Variants in AKR7A3 observed in about 807,000 individuals in gnomAD.
The protein encoded by AKR7A3 is AFB1 aldehyde reductase 2.
AKR7A3 carries 37 observed loss-of-function variants against 32.5 expected under a neutral mutation model. That is an observed-to-expected ratio of 1.14 (90% confidence interval 0.88 to 1.50). AKR7A3 has a LOEUF of 1.50. Ranked by LOEUF, AKR7A3 falls within the 40% of genes most tolerant of loss-of-function variation. The pLI is 0.00. For synonymous variants in AKR7A3, 177 were observed against 188.4 expected (o/e 0.94, Z 0.50); for missense variants, 412 against 453.2 (o/e 0.91, Z 0.83).
intron 3 of AKR7A3, 52 bp from the exon 4 acceptor site, chr1:19,285,166 C>A (rs989911111): frequency 6.4e-7 from 1 of 1,554,186 alleles, no homozygotes; most frequent in Non-Finnish European, 8.9e-7. Flanking sequence ...AAAGAAGAGA[C>A]TTCAAAATTA....
intron 1 of AKR7A3, among the ~76,000 whole-genome samples, 200 bp from the exon 2 acceptor site, chr1:19,286,572 T>C (rs1302451793): frequency 2.6e-5 from 4 of 151,710 alleles, no homozygotes; most frequent in Non-Finnish European, 4.4e-5. Context: ...CCCCAGCTAG[T>C]CCGGAGTCTG....
chr1:19,279,358 T>C (rs2093715650), downstream of AKR7A3, among the ~76,000 whole-genome samples: 1 of 151,962 alleles, frequency 6.6e-6, no homozygotes, highest in Non-Finnish European at 1.5e-5. Context: ...TTTTACTTAT[T>C]GGCTATTATG....
chr1:19,285,634 G>A (rs1335461945), intron 3 of AKR7A3, among the ~76,000 whole-genome samples: 1 of 151,640 alleles, frequency 6.6e-6, no homozygotes, highest in Non-Finnish European at 1.5e-5. Context: ...GGAAGGGCTT[G>A]TTCCAGGCTG....
In AKR7A3 at chr1:19,285,122, G is replaced by T. The variant is rs1210897992; in HGVS notation, c.508-8C>A. On this transcript the variant is annotated splice_polypyrimidine_tract_variant and splice_region_variant and intron_variant, in intron 3 of 6. Coordinates refer to ENST00000361640, the MANE Select transcript of AKR7A3 (RefSeq NM_012067.3). ...GATGGCATTGTACATGCCCTGTAAG[G>T]AGAGGGGCCCCGGGGGAGAGGGTGG... 6.2e-7 allele frequency: 1 copy of T among 1,613,490 alleles called. No homozygotes were observed. The highest frequency in any genetic ancestry group is 8.5e-7 in the Non-Finnish European group (1 of 1,179,848).
chr1:19,274,899 C>CAAAAAAAAAAAAAAAAAAAAAAAAA, the AKR7A3 span, among the ~76,000 whole-genome samples: 73 of 44,250 alleles, frequency 1.6e-3, 10 homozygotes, highest in Middle Eastern at 0.019. Context: ...TCTCTAAATA[C>CAAAAAAAAAAAAAAAAAAAAAAAAA]AAAAAAAAAA....
chr1:19,284,355 T>C (rs1037504533), intron 5 of AKR7A3, among the ~76,000 whole-genome samples: 3 of 151,932 alleles, frequency 2.0e-5, no homozygotes, highest in African/African-American at 7.3e-5. Flanking sequence ...CCTGCTCTTA[T>C]TTTCCTTAGG....
Position 19,288,569 on chromosome 1 carries a change from G to C in AKR7A3, c.141C>G (p.Phe47Leu), listed in dbSNP as rs1225633352. 6.2e-7 allele frequency: 1 copy of C among 1,609,482 alleles called. No individual in the cohort carries two copies. Among genetic ancestry groups the C allele is most frequent in the Non-Finnish European group, 8.5e-7 (1 of 1,178,848 alleles). ...TCTCGGACTGGCCCTCGCTGTACAC[G>C]AAGGCCGTGTCTATCTCGGTGTGGC... ...ERGHTEIDTA[F>L]VYSEGQSETI... The change falls in exon 1 of 7, where the codon TTC becomes TTG. Residue 47 changes from phenylalanine to leucine, a missense_variant. By Grantham distance (22) the Phe-to-Leu change is conservative. Coordinates refer to ENST00000361640, the MANE Select transcript of AKR7A3 (RefSeq NM_012067.3).
In AKR7A3 at chr1:19,286,214, G is replaced by A. The variant is rs1340739149; in HGVS notation, c.373C>T (p.Leu125=). The change falls in exon 2 of 7, where the codon CTG becomes TTG. Residue 125 remains leucine (L), a synonymous_variant. Transcript: ENST00000361640. ...TGGTGCAGCTGGTGGCAGGCACGCA[G>A]TGTCTCTTCCACCGGGGTGCTGTGG... The part of the protein sequence containing the change: ...PDHSTPVEET[L]RACHQLHQEG... The A allele has an allele frequency of 9.9e-6, 16 of 1,613,000 alleles. No homozygotes were observed. The highest frequency in any genetic ancestry group is 1.2e-5 in the Non-Finnish European group (14 of 1,180,038).
chr1:19,274,794 A>G, the AKR7A3 span, among the ~76,000 whole-genome samples: 1 of 150,288 alleles, frequency 6.7e-6, no homozygotes, highest in East Asian at 1.9e-4. Flanking sequence ...GAAAAAAAAA[A>G]AGAAGAAGAA....
Position 19,284,678 on chromosome 1 carries a change from C to G in AKR7A3, c.704+8G>C, listed in dbSNP as rs755316092. 3.1e-6 allele frequency: 5 copies of G among 1,613,784 alleles called. No homozygotes were observed. The highest frequency in any genetic ancestry group is 2.2e-5 in the East Asian group (1 of 44,886). ...CCCAGCCATCCACACCAAGCACCCA[C>G]AGCTTACCGATTCCTGTACATCTCT... is the stretch of plus-strand genomic sequence containing the variant. On this transcript the variant is annotated splice_region_variant and intron_variant, in intron 5 of 6. Transcript: ENST00000361640.
rs772251344 is a variant in AKR7A3, at chr1:19,285,076, C to T, written c.546G>A (p.Glu182=). Residue 182 remains glutamate (E), a synonymous_variant, in exon 4 of 7, where the codon GAG becomes GAA. Transcript: ENST00000361640. Reference sequence around the variant, plus strand: ...CAAAGTGCCTGAGGCAGGGGAAGAGCTCCGTTTCCACCTGCCGGGTGATGG... The same window carrying T: ...CAAAGTGCCTGAGGCAGGGGAAGAGTTCCGTTTCCACCTGCCGGGTGATGG... ...YNAITRQVET[E]LFPCLRHFGL... 5 of 1,613,564 alleles carry T rather than the reference C, an allele frequency of 3.1e-6. No homozygotes were observed. The highest frequency in any genetic ancestry group is 4.2e-6 in the Non-Finnish European group (5 of 1,179,866).
chr1:19,287,934 C>T (rs970057494), intron 1 of AKR7A3, among the ~76,000 whole-genome samples: 4 of 152,188 alleles, frequency 2.6e-5, no homozygotes, highest in African/African-American at 9.6e-5. Flanking sequence ...GCCAAGGCTT[C>T]CGGGCACTGC....
downstream of AKR7A3, among the ~76,000 whole-genome samples, chr1:19,280,719 C>T (rs553495459): frequency 1.6e-4 from 24 of 151,264 alleles, no homozygotes; most frequent in African/African-American, 4.6e-4. Context: ...TACAGGCACC[C>T]GCCACCACGC....
the AKR7A3 span, among the ~76,000 whole-genome samples, chr1:19,275,015 C>G: frequency 3.4e-5 from 5 of 149,146 alleles, no homozygotes; most frequent in Non-Finnish European, 7.4e-5. Flanking sequence ...AAAATGCTTA[C>G]AAGTAAAAGG....
At position 19,284,690 on chromosome 1, in the gene AKR7A3, T is replaced by A. The variant is rs1423879679; in HGVS notation, c.700A>T (p.Asn234Tyr). The A allele has an allele frequency of 6.2e-7, 1 of 1,613,798 alleles. No individual in the cohort carries two copies. The highest frequency in any genetic ancestry group is 2.2e-5 in the East Asian group (1 of 44,882). ...CACCAAGCACCCACAGCTTACCGAT[T>A]CCTGTACATCTCTGCCCAGGTATTC... Reference protein sequence around the residue: ...FGNTWAEMYRNRYWKEHHFEG... With the variant: ...FGNTWAEMYRYRYWKEHHFEG... The change falls in exon 5 of 7, where the codon AAT (asparagine) becomes TAT (tyrosine). Residue 234 changes from asparagine to tyrosine, a missense_variant. Physicochemically the swap from Asn to Tyr is moderately radical, Grantham distance 143. Transcript: ENST00000361640.
In AKR7A3 at chr1:19,282,701, G is replaced by A. The variant is rs1061671; in HGVS notation, c.*30C>T. 11 of 1,613,688 alleles carry A rather than the reference G, an allele frequency of 6.8e-6. 1 individual carries two copies. In the African/African-American group the frequency reaches 1.5e-4, roughly 22 times the overall value. The stretch of plus-strand genomic sequence containing the variant: ...GTGAGTAACAAAAGATGTTACAGAA[G>A]AGCCTTGGGCAGCCTGAGAAACGAT... On this transcript the variant is annotated 3_prime_UTR_variant, in exon 7 of 7. Coordinates refer to ENST00000361640, the MANE Select transcript of AKR7A3 (RefSeq NM_012067.3).
intron 6 of AKR7A3, among the ~76,000 whole-genome samples, chr1:19,283,422 A>G (rs1444219688): frequency 6.6e-6 from 1 of 151,952 alleles, no homozygotes; most frequent in African/African-American, 2.4e-5. Context: ...AGCTGGGTGA[A>G]ACTCAGTTTC....
At chr1:19,276,672 T>C in the AKR7A3 span, among the ~76,000 whole-genome samples, 4 of 151,142 alleles carry the variant, frequency 2.6e-5, no homozygotes, top group Admixed American at 1.3e-4. Context: ...CATGTTGGCA[T>C]GCACCTGTAA....
At position 19,286,375 on chromosome 1, in the gene AKR7A3, G is replaced by A. The variant is rs202109758; in HGVS notation, c.215-3C>T. 2 of 1,612,810 alleles carry A rather than the reference G, an allele frequency of 1.2e-6. No homozygotes were observed. Among genetic ancestry groups the A allele is most frequent in the East Asian group, 2.2e-5 (1 of 44,860 alleles). On this transcript the variant is annotated splice_region_variant and splice_polypyrimidine_tract_variant and intron_variant, in intron 1 of 6. Transcript: ENST00000361640. Reference sequence around the variant, plus strand: ...AATGGCCTTGGTATCAATTTTCACTGAGAGGAAAGAGAAATGAAATTCAGG... The same window carrying A: ...AATGGCCTTGGTATCAATTTTCACTAAGAGGAAAGAGAAATGAAATTCAGG...
Sources: gnomAD v4.1 joint callset for allele counts (sites outside exome capture counted in the v4.1 genomes callset) on GRCh38, gnomAD v4.1.1 for gene constraint, MANE v1.5 for transcripts, NCBI Gene and HGNC (gene_info 2026-07-23, HGNC 2026-07-21) for gene names.